Variants in GRHL2 observed in about 807,000 individuals in gnomAD.
GRHL2 encodes the protein grainyhead like transcription factor 2.
A neutral mutation model predicts 83.8 loss-of-function variants in GRHL2; 21 were observed. That is an observed-to-expected ratio of 0.25 (90% CI 0.18 to 0.36). The LOEUF (loss-of-function observed/expected upper bound fraction) is 0.36, where lower values mean the gene tolerates loss of function less well. Ranked by LOEUF, GRHL2 falls within the 10% of genes least tolerant of loss-of-function variation. The pLI is 1.00. For missense variants in GRHL2, 623 were observed against 781.8 expected (o/e 0.80, Z 2.42); for synonymous variants, 280 against 278.9 (o/e 1.00, Z -0.04).
chr8:101,574,030 A>G (rs892365300), intron 6 of GRHL2, among the ~76,000 whole-genome samples: 12 of 152,210 alleles, frequency 7.9e-5, no homozygotes, highest in South Asian at 6.2e-4. Context: ...GGGAAGGGAC[A>G]TGGTTGGAAC....
chr8:101,539,717 A>T (rs1230879069), intron 1 of GRHL2, among the ~76,000 whole-genome samples: 1 of 152,240 alleles, frequency 6.6e-6, no homozygotes, highest in Admixed American at 6.5e-5. Flanking sequence ...ATTATTCTGC[A>T]CTACCAAAGT....
intron 8 of GRHL2, among the ~76,000 whole-genome samples, chr8:101,617,910 G>A (rs1433976943): frequency 6.6e-6 from 1 of 152,176 alleles, no homozygotes; most frequent in Non-Finnish European, 1.5e-5. Flanking sequence ...AGGCTTAAAG[G>A]TGAATGGAAA....
At chr8:101,601,190 C>CCCACCA (rs897488255) in intron 8 of GRHL2, among the ~76,000 whole-genome samples, 1 of 148,610 alleles carries the variant, frequency 6.7e-6, no homozygotes, top group East Asian at 2.0e-4. Context: ...ACACACACAC[C>CCCACCA]CCACCACCAC....
chr8:101,528,147 T>A (rs2130070737), intron 1 of GRHL2, among the ~76,000 whole-genome samples: 1 of 152,334 alleles, frequency 6.6e-6, no homozygotes, highest in South Asian at 2.1e-4. Context: ...TCCTCTTCAC[T>A]GCTTTCTTCT....
chr8:101,665,115 A>C (rs1814020307), intron 15 of GRHL2, among the ~76,000 whole-genome samples: 1 of 152,144 alleles, frequency 6.6e-6, no homozygotes, highest in Admixed American at 6.5e-5. Context: ...TTATTGATGA[A>C]GAAAGCAAGC....
intron 8 of GRHL2, among the ~76,000 whole-genome samples, 197 bp from the exon 9 acceptor site, chr8:101,619,342 C>T (rs1812917209): frequency 1.3e-5 from 2 of 152,058 alleles, no homozygotes; most frequent in South Asian, 4.2e-4. Context: ...AATATGAAAG[C>T]AGATTTTAAA....
At chr8:101,671,895 A>ACAGCCACCGCTGTTCTG (rs1461524986), downstream of GRHL2, among the ~76,000 whole-genome samples, 2 of 152,084 alleles carry the variant, frequency 1.3e-5, no homozygotes, top group Admixed American at 6.6e-5. Context: ...CGACTGTTCT[A>ACAGCCACCGCTGTTCTG]CAGCCACCGC....
chr8:101,532,174 T>C (rs1810942224), intron 1 of GRHL2, among the ~76,000 whole-genome samples: 1 of 152,196 alleles, frequency 6.6e-6, no homozygotes, highest in African/African-American at 2.4e-5. Flanking sequence ...CAAACAATCA[T>C]TTGTGGCATT....
rs1337940268 is a variant in GRHL2 at position 101,668,703 on chromosome 8, C to G, written c.*2000C>G. 1 of 152,214 alleles carries G rather than the reference C, an allele frequency of 6.6e-6. No individual in the cohort carries two copies. The highest frequency in any genetic ancestry group is 1.5e-5 in the Non-Finnish European group (1 of 68,078). The allele number at this position is 152,214 out of a possible 1,614,324, so 9.4% of individuals were successfully genotyped here. A position where few individuals can be genotyped will look rare whatever the true frequency, so the allele number is the denominator to read the frequency against. ...ATGGACAAATTCAGTGTTGGAAATACATGTTGTACTATGCACTTCCCATGC... is the reference window on the plus strand; with the variant it reads ...ATGGACAAATTCAGTGTTGGAAATAGATGTTGTACTATGCACTTCCCATGC... On this transcript the variant is annotated 3_prime_UTR_variant, in exon 16 of 16. Coordinates refer to ENST00000646743, the MANE Select transcript of GRHL2 (RefSeq NM_024915.4).
chr8:101,669,664 GTTATT>G lies in GRHL2; in HGVS notation c.*2969_*2973del, dbSNP rs576107675. 6.9e-4 allele frequency: 103 copies of G among 149,956 alleles called. No homozygotes were observed. Among genetic ancestry groups the G allele is most frequent in the Middle Eastern group, 3.4e-3 (1 of 294 alleles). The allele number at this position is 149,956 out of a possible 1,614,324, so 9.3% of individuals were successfully genotyped here. ...GGGGAATCTATAAACTATAAATACA[GTTATT>G]TTATTTTTTGTACATTTTTAAGGAG... On this transcript the variant is annotated 3_prime_UTR_variant, in exon 16 of 16. Coordinates refer to ENST00000646743, the MANE Select transcript of GRHL2 (RefSeq NM_024915.4).
intron 7 of GRHL2, among the ~76,000 whole-genome samples, chr8:101,591,062 T>C (rs1002119256): frequency 1.3e-5 from 2 of 152,094 alleles, no homozygotes; most frequent in Non-Finnish European, 1.5e-5. Context: ...TACAATCCAT[T>C]TGAAGAAAGC....
intron 6 of GRHL2, among the ~76,000 whole-genome samples, chr8:101,576,878 T>G (rs960404822): frequency 1.3e-5 from 2 of 152,222 alleles, no homozygotes; most frequent in South Asian, 2.1e-4. Context: ...TATCTGTAGT[T>G]TAGATCTATG....
At chr8:101,665,517 C>T (rs1036391803) in intron 15 of GRHL2, among the ~76,000 whole-genome samples, 5 of 152,154 alleles carry the variant, frequency 3.3e-5, no homozygotes, top group East Asian at 1.9e-4. Context: ...CTAAAATGCA[C>T]GTTATACTTC....
At chr8:101,542,253 C>T (rs989180388) in intron 1 of GRHL2, among the ~76,000 whole-genome samples, 3 of 152,150 alleles carry the variant, frequency 2.0e-5, no homozygotes, top group African/African-American at 7.2e-5. Context: ...CCTGCTCTCT[C>T]TTAGGGTTCC....
intron 3 of GRHL2, among the ~76,000 whole-genome samples, chr8:101,553,288 C>G (rs1014480548): frequency 6.6e-6 from 1 of 151,920 alleles, no homozygotes; most frequent in Non-Finnish European, 1.5e-5. Flanking sequence ...CATGGAACAC[C>G]CCTTGTCTGC....
Position 101,669,295 on chromosome 8 carries a change from C to CT in GRHL2, c.*2597dup, listed in dbSNP as rs1563637269. ...AAAGTCTGAACTGAACAGAACAAGA[C>CT]TTTTTCCTCATACATCTCCAAATTG... On this transcript the variant is annotated 3_prime_UTR_variant, in exon 16 of 16. Transcript: ENST00000646743. The CT allele has an allele frequency of 8.7e-6, 1 of 114,950 alleles. No homozygotes were observed. The highest frequency in any genetic ancestry group is 1.7e-5 in the Non-Finnish European group (1 of 57,796). The allele number at this position is 114,950 out of a possible 1,614,324, so 7.1% of individuals were successfully genotyped here. A position where few individuals can be genotyped will look rare whatever the true frequency, so the allele number is the denominator to read the frequency against.
chr8:101,598,522 G>A (rs1812442724), intron 7 of GRHL2, among the ~76,000 whole-genome samples: 1 of 150,650 alleles, frequency 6.6e-6, no homozygotes, highest in Admixed American at 6.6e-5. Context: ...TTACAGGCAT[G>A]AGCCACCACA....
intron 7 of GRHL2, among the ~76,000 whole-genome samples, chr8:101,588,876 T>A (rs1812220495): frequency 6.6e-6 from 1 of 152,304 alleles, no homozygotes; most frequent in Non-Finnish European, 1.5e-5. Flanking sequence ...TAATATAAAA[T>A]ACCACCACTT....
At chr8:101,609,689 G>GA (rs1214724306) in intron 8 of GRHL2, among the ~76,000 whole-genome samples, 1 of 150,752 alleles carries the variant, frequency 6.6e-6, no homozygotes, top group Non-Finnish European at 1.5e-5. Context: ...ATTGTTAAGT[G>GA]AAAAAAAGCA....
Sources: allele counts gnomAD v4.1 joint callset (sites outside exome capture counted in the v4.1 genomes callset), GRCh38; gene constraint gnomAD v4.1.1; transcripts MANE v1.5; gene names NCBI Gene and HGNC (gene_info 2026-07-23, HGNC 2026-07-21).